The following GREB1L variants were observed in gnomAD, a reference collection of about 807,000 sequenced individuals.
The protein encoded by GREB1L is GREB1-like protein.
In GREB1L, 17 loss-of-function variants were observed where a neutral mutation model predicts 200.8. The ratio of observed to expected loss-of-function variants is 0.08; its 90% confidence interval spans 0.06 to 0.13. The LOEUF (loss-of-function observed/expected upper bound fraction) is 0.13. Ranked by LOEUF, GREB1L falls within the 10% of genes least tolerant of loss-of-function variation. GREB1L has a pLI of 1.00. For missense variants in GREB1L, 1,657 were observed against 2,367.7 expected, an observed-to-expected ratio of 0.70 and a Z score of 6.23; for synonymous variants, 789 against 893.0, an observed-to-expected ratio of 0.88 and a Z score of 2.08.
chr18:21,436,624 A>C (rs2033551512), intron 7 of GREB1L, among the ~76,000 whole-genome samples: 1 of 151,104 alleles, frequency 6.6e-6, no homozygotes, highest in Non-Finnish European at 1.5e-5. Flanking sequence ...ACAGAATGAG[A>C]ATCTATCTCA....
At chr18:21,459,932 G>A (rs1252653888) in intron 15 of GREB1L, among the ~76,000 whole-genome samples, 1 of 151,986 alleles carries the variant, frequency 6.6e-6, no homozygotes, top group African/African-American at 2.4e-5. Context: ...AGTACCTTCC[G>A]TTCTCACCCT....
At chr18:21,333,093 C>CAA (rs1567940436) in intron 1 of GREB1L, among the ~76,000 whole-genome samples, 1 of 149,878 alleles carries the variant, frequency 6.7e-6, no homozygotes, top group African/African-American at 2.5e-5. Flanking sequence ...TACACACACA[C>CAA]GCGCGCGCGC....
intron 30 of GREB1L, among the ~76,000 whole-genome samples, chr18:21,517,121 G>A (rs1024101601): frequency 7.9e-5 from 12 of 152,144 alleles, no homozygotes; most frequent in African/African-American, 1.7e-4. Context: ...TGATCCACCC[G>A]CCTTGGCCTC....
chr18:21,454,313 G>A, intron 14 of GREB1L, 53 bp from the exon 15 acceptor site: 2 of 1,183,216 alleles, frequency 1.7e-6, no homozygotes, highest in Non-Finnish European at 2.4e-6. Context: ...ATTCACAGTG[G>A]CCATTAGGGA....
chr18:21,490,357 C>T lies in GREB1L; in HGVS notation c.3030+6C>T. On this transcript the variant is annotated splice_donor_region_variant and intron_variant, in intron 19 of 32. Transcript: ENST00000424526. ...ACTTTGTGGCGCGATTAAAGGTTAG[C>T]AATGGACAGACATTTCTCCTTTAAA... 29 of 1,545,582 alleles carry T rather than the reference C, an allele frequency of 1.9e-5. No individual in the cohort carries two copies. Among genetic ancestry groups the T allele is most frequent in the Non-Finnish European group, 2.5e-5 (28 of 1,142,004 alleles).
intron 11 of GREB1L, among the ~76,000 whole-genome samples, chr18:21,447,842 A>T (rs2034306756): frequency 6.6e-6 from 1 of 152,078 alleles, no homozygotes; most frequent in Admixed American, 6.5e-5. Flanking sequence ...TTTAAAGAGC[A>T]TCCCTCCACA....
intron 1 of GREB1L, among the ~76,000 whole-genome samples, chr18:21,310,606 T>C (rs1598648681): frequency 6.6e-6 from 1 of 152,196 alleles, no homozygotes; most frequent in African/African-American, 2.4e-5. Flanking sequence ...CTTAATGTTA[T>C]GATTAAAACA....
rs1355584988 is a variant in GREB1L, at chr18:21,391,643, G to A, written c.356-3742G>A. The stretch of plus-strand genomic sequence containing the variant: ...GCCCTTCTTTCATTTACATATTAAA[G>A]AGGTTAGAACAGATCTGTGTTCCTC... On this transcript the variant is annotated intron_variant, in intron 4 of 32. Transcript: ENST00000424526. Among the ~76,000 whole-genome samples, 11 of 152,314 alleles carry A rather than the reference G, an allele frequency of 7.2e-5. No individual in the cohort carries two copies. The East Asian group carries it at 2.1e-3, about 29-fold the overall frequency.
At chr18:21,473,297 C>T (rs1443344920) in intron 16 of GREB1L, 86 bp downstream of exon 16, 9 of 1,048,504 alleles carry the variant, frequency 8.6e-6, no homozygotes, top group South Asian at 4.3e-5. Flanking sequence ...TGGCCAGGCG[C>T]GGTGGCTCAC....
rs749180711 is a variant in GREB1L at position 21,312,624 on chromosome 18, G to A, written c.-119-53403G>A. Among the ~76,000 whole-genome samples, 24 of 151,916 alleles carry A rather than the reference G, an allele frequency of 1.6e-4. No homozygotes were observed. The Middle Eastern group carries it at 0.01, about 65-fold the overall frequency. On this transcript the variant is annotated intron_variant, in intron 1 of 32. Transcript: ENST00000424526. ...GCTGGAGTGCAGTGGCATGATCTCG[G>A]CTCACTGCAACCTCCGCCTCCCGGG... is the stretch of plus-strand genomic sequence containing the variant.
chr18:21,334,295 T>G (rs937452994), intron 1 of GREB1L, among the ~76,000 whole-genome samples: 2 of 152,108 alleles, frequency 1.3e-5, no homozygotes, highest in African/African-American at 4.8e-5. Flanking sequence ...GTAAATAGAT[T>G]TAGGTTCAAA....
In GREB1L at chr18:21,441,506, T is replaced by C; in HGVS notation, c.1176T>C (p.Ser392=). 6.4e-7 allele frequency: 1 copy of C among 1,551,660 alleles called. No individual in the cohort carries two copies. ...ETVIVPENLL[S]NSGVRPVILI... ...TAATTGTTCCTGAAAACCTGCTGAG[T>C]AACTCAGGAGTTAGACCAGTAATTC... is the stretch of plus-strand genomic sequence containing the variant. Residue 392 remains serine, a synonymous_variant, in exon 10 of 33, where the codon AGT becomes AGC. Transcript: ENST00000424526.
Position 21,505,552 on chromosome 18 carries a change from G to A in GREB1L, c.4213G>A (p.Ala1405Thr). ...GAGCCTGGTGTATACTGAGAAGCTG[G>A]CAGGGGTCAAACAAGGTCAGTGCAA... Reference protein sequence around the residue: ...LMSLVYTEKLAGVKQEVIKES... With the variant: ...LMSLVYTEKLTGVKQEVIKES... The change falls in exon 24 of 33, where the codon GCA becomes ACA. Residue 1405 changes from alanine (A) to threonine (T), a missense_variant. Ala to Thr is a moderately conservative substitution (Grantham distance 58). Around this residue, in one of 9 missense-constraint regions of GREB1L, gnomAD observed 512 missense variants for 668.3 expected, o/e 0.77. Transcript: ENST00000424526. 6.4e-7 allele frequency: 1 copy of A among 1,551,804 alleles called. No individual in the cohort carries two copies. Among genetic ancestry groups the A allele is most frequent in the Non-Finnish European group, 8.7e-7 (1 of 1,147,032 alleles).
chr18:21,414,836 CT>C (rs2031465273), intron 7 of GREB1L, among the ~76,000 whole-genome samples: 1 of 152,156 alleles, frequency 6.6e-6, no homozygotes, highest in South Asian at 2.1e-4. Flanking sequence ...TACCCTCCCC[CT>C]GGAACAACTG....
At chr18:21,304,783 G>T (rs1207976496) in intron 1 of GREB1L, among the ~76,000 whole-genome samples, 1 of 152,040 alleles carries the variant, frequency 6.6e-6, no homozygotes, top group Admixed American at 6.5e-5. Flanking sequence ...GAGAGGAGAG[G>T]GGGAATGGGA....
chr18:21,266,604 C>A (rs1268781625), intron 1 of GREB1L, among the ~76,000 whole-genome samples: 1 of 152,168 alleles, frequency 6.6e-6, no homozygotes, highest in Admixed American at 6.5e-5. Flanking sequence ...CCTACTATTT[C>A]TTTTAAAAAC....
At chr18:21,519,448 A>AC (rs1044342735) in intron 31 of GREB1L, among the ~76,000 whole-genome samples, 5 of 151,932 alleles carry the variant, frequency 3.3e-5, no homozygotes, top group Non-Finnish European at 7.4e-5. Context: ...AGTGACAGAG[A>AC]CCCCATCTCA....
In GREB1L at chr18:21,350,323, C is replaced by T. The variant is rs537924908; in HGVS notation, c.-119-15704C>T. ...CGTGATCTCAGCTCACTGCAACCTC[C>T]GCCTCCTGGGTTCAAGTGAGTCTCC... On this transcript the variant is annotated intron_variant, in intron 1 of 32. Coordinates refer to ENST00000424526, the MANE Select transcript of GREB1L (RefSeq NM_001142966.3). Among the ~76,000 whole-genome samples the T allele has an allele frequency of 5.3e-5, 8 of 151,372 alleles. No homozygotes were observed. In the East Asian group the frequency reaches 7.8e-4, roughly 15 times the overall value.
intron 1 of GREB1L, among the ~76,000 whole-genome samples, chr18:21,361,808 T>C (rs758107527): frequency 1.4e-4 from 21 of 152,198 alleles, no homozygotes; most frequent in Non-Finnish European, 3.1e-4. Flanking sequence ...ATTGATTCTA[T>C]TGTGTTTTAA....
Sources: allele counts gnomAD v4.1 joint callset (sites outside exome capture counted in the v4.1 genomes callset), GRCh38; gene constraint gnomAD v4.1.1; regional missense constraint gnomAD v4.1.1; transcripts MANE v1.5; gene names NCBI Gene and HGNC (gene_info 2026-07-23, HGNC 2026-07-21).